RAPGEF2: variants seen among roughly 807,000 people sequenced by gnomAD.
RAPGEF2 encodes Rap guanine nucleotide exchange factor 2.
A neutral mutation model predicts 186.7 loss-of-function variants in RAPGEF2; 54 were observed. The observed-to-expected ratio is 0.29, with a 90% CI of 0.23 to 0.36. RAPGEF2 has a LOEUF of 0.36. Ranked by LOEUF, RAPGEF2 falls within the 10% of genes least tolerant of loss-of-function variation. The pLI, the probability that RAPGEF2 is intolerant of heterozygous loss-of-function variation, is 1.00. For synonymous variants in RAPGEF2, 712 were observed against 705.9 expected, an observed-to-expected ratio of 1.01 and a Z score of -0.14; for missense variants, 1,532 against 2,045.0, an observed-to-expected ratio of 0.75 and a Z score of 4.84.
chr4:159,120,863 T>A (rs565307158), intron 1 of RAPGEF2, among the ~76,000 whole-genome samples: 1 of 152,058 alleles, frequency 6.6e-6, no homozygotes, highest in African/African-American at 2.4e-5. Context: ...AATTATTTTA[T>A]TTTATTTTTG....
At chr4:159,207,332 C>T (rs1750093967) in intron 3 of RAPGEF2, among the ~76,000 whole-genome samples, 1 of 152,148 alleles carries the variant, frequency 6.6e-6, no homozygotes, top group Non-Finnish European at 1.5e-5. Context: ...AGTATTTTAC[C>T]GACTTTGAAC....
chr4:159,321,886 C>T (rs1765283058), intron 9 of RAPGEF2, among the ~76,000 whole-genome samples: 1 of 151,862 alleles, frequency 6.6e-6, no homozygotes, highest in South Asian at 2.1e-4. Context: ...GGATTTGATA[C>T]ATGGAAAATA....
intron 7 of RAPGEF2, among the ~76,000 whole-genome samples, chr4:159,249,558 G>A (rs952717872): frequency 2.0e-5 from 3 of 151,562 alleles, no homozygotes; most frequent in Non-Finnish European, 2.9e-5. Context: ...TAAATCACTT[G>A]TGAAAGAAAA....
chr4:159,327,962 T>TA (rs1381929830), intron 11 of RAPGEF2: 2 of 152,098 alleles, frequency 1.3e-5, no homozygotes, highest in Non-Finnish European at 2.9e-5. Context: ...TATTCTAATT[T>TA]AAAAAAGTCT....
chr4:159,184,377 G>A lies in RAPGEF2; in HGVS notation c.70-2265G>A, dbSNP rs113424041. On this transcript the variant is annotated intron_variant, in intron 1 of 29. Transcript: ENST00000691494. ...CCACCAACAGTGTAAAAGTGTTCCT[G>A]TTTCTCCACATCCTCTCCAGCACCT... Among the ~76,000 whole-genome samples, 33 of 152,208 alleles carry A rather than the reference G, an allele frequency of 2.2e-4. No individual in the cohort carries two copies. The South Asian group carries it at 2.3e-3, about 11-fold the overall frequency.
intron 1 of RAPGEF2, among the ~76,000 whole-genome samples, chr4:159,168,949 A>AC (rs1194555505): frequency 6.6e-6 from 1 of 152,226 alleles, no homozygotes; most frequent in African/African-American, 2.4e-5. Context: ...TCTTCTGACA[A>AC]CCGTTATTCA....
intron 7 of RAPGEF2, among the ~76,000 whole-genome samples, chr4:159,300,819 A>G (rs974229324): frequency 6.6e-6 from 1 of 152,114 alleles, no homozygotes; most frequent in Admixed American, 6.5e-5. Flanking sequence ...CCTTGTATAT[A>G]TTTCTCAGAT....
At position 159,354,182 on chromosome 4, in the gene RAPGEF2, G is replaced by T; in HGVS notation, c.4651+136G>T. 3.1e-6 allele frequency: 3 copies of T among 973,044 alleles called. No individual in the cohort carries two copies. In the Admixed American group the frequency reaches 9.4e-5, roughly 30 times the overall value. 60.3% of individuals were successfully genotyped at this position (973,044 alleles called of 1,614,324 possible). A position where few individuals can be genotyped will look rare whatever the true frequency, so the allele number is the denominator to read the frequency against. ...GCTATGTAGGACTTCCAAATTAGTG[G>T]TGTGTTAAGGTCTTTGAAATCAATA... On this transcript the variant is annotated intron_variant, in intron 28 of 29. Coordinates refer to ENST00000691494, the MANE Select transcript of RAPGEF2 (RefSeq NM_001394067.2).
At chr4:159,200,735 G>T (rs1439579863) in intron 3 of RAPGEF2, among the ~76,000 whole-genome samples, 3 of 151,878 alleles carry the variant, frequency 2.0e-5, no homozygotes, top group Non-Finnish European at 4.4e-5. Flanking sequence ...GGAAAATAAG[G>T]ATTTTTTTTG....
intron 1 of RAPGEF2, among the ~76,000 whole-genome samples, chr4:159,185,326 C>T (rs1364128275): frequency 2.6e-5 from 4 of 152,040 alleles, no homozygotes; most frequent in South Asian, 2.1e-4. Flanking sequence ...GGTGTATACC[C>T]GTGAGAATTC....
chr4:159,341,586 G>A lies in RAPGEF2; in HGVS notation c.2557G>A (p.Glu853Lys). The change falls in exon 20 of 30, where the codon GAA becomes AAA. Residue 853 changes from glutamate to lysine, a missense_variant. Physicochemically the swap from Glu to Lys is moderately conservative, Grantham distance 56. Around this residue, in one of 4 missense-constraint regions of RAPGEF2, gnomAD observed 810 missense variants for 1,210.5 expected, o/e 0.67. Transcript: ENST00000691494. Reference sequence around the variant, plus strand: ...TAGGTATTATCTGAAAAACAACATGGAAACAGAAACTCTTTGTTCAGATGA... The same window carrying A: ...TAGGTATTATCTGAAAAACAACATGAAAACAGAAACTCTTTGTTCAGATGA... ...SGRYYLKNNM[E>K]TETLCSDEDA... 1 of 1,598,404 alleles carries A rather than the reference G, an allele frequency of 6.3e-7. No individual in the cohort carries two copies. The highest frequency in any genetic ancestry group is 8.5e-7 in the Non-Finnish European group (1 of 1,175,010).
intron 26 of RAPGEF2, chr4:159,350,997 A>G (rs777776527): frequency 2.2e-5 from 32 of 1,455,372 alleles, no homozygotes; most frequent in Non-Finnish European, 2.8e-5. Flanking sequence ...TTGTATGGGT[A>G]TCAGTCTCTC....
intron 4 of RAPGEF2, 110 bp downstream of exon 4, chr4:159,210,693 G>GC (rs1467869205): frequency 2.6e-6 from 2 of 772,098 alleles, no homozygotes; most frequent in African/African-American, 3.5e-5. Context: ...CTGATACAAA[G>GC]CAAGACAGTA....
chr4:159,323,379 A>G (rs1368056257), intron 10 of RAPGEF2, 80 bp from the exon 11 acceptor site: 3 of 1,207,186 alleles, frequency 2.5e-6, no homozygotes, highest in South Asian at 3.7e-5. Context: ...CTGCTAATTC[A>G]TTTTTAGGGA....
chr4:159,323,350 T>C, intron 10 of RAPGEF2, 109 bp from the exon 11 acceptor site: 1 of 903,086 alleles, frequency 1.1e-6, no homozygotes, highest in South Asian at 2.2e-5. Context: ...TTACTTGTTT[T>C]ATCTCCAAAA....
At chr4:159,330,733 A>G in intron 13 of RAPGEF2, 2 of 421,166 alleles carry the variant, frequency 4.7e-6, no homozygotes, top group South Asian at 7.1e-5. Context: ...AAGGCCAATA[A>G]ATTGGCCACC....
At chr4:159,154,844 A>G (rs1358237421) in intron 1 of RAPGEF2, among the ~76,000 whole-genome samples, 1 of 152,136 alleles carries the variant, frequency 6.6e-6, no homozygotes, top group Non-Finnish European at 1.5e-5. Flanking sequence ...TATTAGGCCA[A>G]GTGGGCGAAG....
intron 7 of RAPGEF2, among the ~76,000 whole-genome samples, chr4:159,295,734 TGTGTGTGTGTGTGTGTGTGTGC>T (rs1761875924): frequency 3.1e-5 from 4 of 129,728 alleles, no homozygotes; most frequent in East Asian, 2.0e-4. Flanking sequence ...TGTGTGTGTG[TGTGTGTGTGTGTGTGTGTGTGC>T]GCGCGCGCGC....
chr4:159,342,553 A>ATTATTTTATT (rs1159754910), intron 20 of RAPGEF2, among the ~76,000 whole-genome samples: 805 of 71,948 alleles, frequency 0.011, 20 homozygotes, highest in East Asian at 0.018. Flanking sequence ...TTTATTTTAT[A>ATTATTTTATT]TTATTTTATT....
Sources: allele counts gnomAD v4.1 joint callset (sites outside exome capture counted in the v4.1 genomes callset), GRCh38; gene constraint gnomAD v4.1.1; regional missense constraint gnomAD v4.1.1; transcripts MANE v1.5; gene names NCBI Gene and HGNC (gene_info 2026-07-23, HGNC 2026-07-21).